The following ETV6 variants were observed in gnomAD, a reference collection of about 807,000 sequenced individuals.
ETV6 encodes the protein ETS variant transcription factor 6.
A neutral mutation model predicts 51.1 loss-of-function variants in ETV6; 16 were observed. The ratio of observed to expected loss-of-function variants is 0.31; its 90% CI spans 0.21 to 0.48. ETV6 has a LOEUF of 0.48. Ranked by LOEUF, ETV6 falls within the 20% of genes least tolerant of loss-of-function variation. The pLI, the probability that ETV6 is intolerant of heterozygous loss-of-function variation, is 0.99. For missense variants in ETV6, 458 were observed against 594.8 expected (o/e 0.77, Z 2.39); for synonymous variants, 240 against 224.1 (o/e 1.07, Z -0.64).
chr12:11,806,794 T>C (rs916374817), intron 2 of ETV6, among the ~76,000 whole-genome samples: 1 of 152,208 alleles, frequency 6.6e-6, no homozygotes, highest in African/African-American at 2.4e-5. Context: ...CCTGCATTTA[T>C]TGGCACTTAC....
chr12:11,857,072 C>A (rs546947953), intron 4 of ETV6, among the ~76,000 whole-genome samples: 1 of 152,352 alleles, frequency 6.6e-6, no homozygotes, highest in East Asian at 1.9e-4. Context: ...CATGCACGGT[C>A]AAGTGCAAAC....
chr12:11,832,914 G>A (rs1021495813), intron 2 of ETV6, among the ~76,000 whole-genome samples: 12 of 152,188 alleles, frequency 7.9e-5, no homozygotes, highest in Admixed American at 7.2e-4. Flanking sequence ...AGCCCTATAC[G>A]ATCTGCACTT....
chr12:11,692,449 A>G (rs1288854426), intron 1 of ETV6, among the ~76,000 whole-genome samples: 1 of 152,080 alleles, frequency 6.6e-6, no homozygotes, highest in Non-Finnish European at 1.5e-5. Context: ...TCTTATTTTA[A>G]TTTTGTTCCT....
At chr12:11,804,247 A>T (rs971995678) in intron 2 of ETV6, among the ~76,000 whole-genome samples, 1 of 152,212 alleles carries the variant, frequency 6.6e-6, no homozygotes, top group African/African-American at 2.4e-5. Context: ...CAGAGAGCAC[A>T]TTGCCCACAC....
chr12:11,745,924 C>A (rs1050464049), intron 1 of ETV6, among the ~76,000 whole-genome samples: 1 of 152,110 alleles, frequency 6.6e-6, no homozygotes, highest in Non-Finnish European at 1.5e-5. Flanking sequence ...TGATTGTGTC[C>A]CATGGTTAAT....
chr12:11,878,402 C>T (rs1947027090), intron 5 of ETV6, among the ~76,000 whole-genome samples: 1 of 152,170 alleles, frequency 6.6e-6, no homozygotes, highest in Admixed American at 6.5e-5. Context: ...TCCTACCTCC[C>T]TGCAGTCCCT....
chr12:11,846,199 T>C (rs1251856661), intron 3 of ETV6, among the ~76,000 whole-genome samples: 1 of 148,746 alleles, frequency 6.7e-6, no homozygotes, highest in Admixed American at 6.7e-5. Flanking sequence ...ATCTAAAAAG[T>C]ACCTCTCCCA....
intron 2 of ETV6, among the ~76,000 whole-genome samples, chr12:11,813,513 TC>T (rs1238620940): frequency 6.6e-6 from 1 of 152,210 alleles, no homozygotes; most frequent in African/African-American, 2.4e-5. Flanking sequence ...AGAGTAGATT[TC>T]ATGTTCTAAT....
chr12:11,790,294 C>T (rs1183953940), intron 2 of ETV6, among the ~76,000 whole-genome samples: 1 of 152,104 alleles, frequency 6.6e-6, no homozygotes, highest in East Asian at 1.9e-4. Context: ...GTTTTGCTGT[C>T]TGCCTTCTAT....
intron 3 of ETV6, among the ~76,000 whole-genome samples, chr12:11,848,070 T>C (rs1946490467): frequency 6.6e-6 from 1 of 152,210 alleles, no homozygotes; most frequent in African/African-American, 2.4e-5. Flanking sequence ...ACAAAGAACA[T>C]TTTTTGCCAG....
chr12:11,734,530 A>G (rs111236275), intron 1 of ETV6, among the ~76,000 whole-genome samples: 23 of 122,044 alleles, frequency 1.9e-4, no homozygotes, highest in African/African-American at 9.5e-4. Context: ...AAAAAAAAAG[A>G]AAAAAAAAAA....
intron 1 of ETV6, among the ~76,000 whole-genome samples, chr12:11,690,891 T>TAAATAAATAAATAAAA (rs1555114903): frequency 4.0e-5 from 6 of 149,198 alleles, no homozygotes; most frequent in Non-Finnish European, 7.4e-5. Flanking sequence ...TGTCTCTAAA[T>TAAATAAATAAATAAAA]AAATAAATAA....
intron 2 of ETV6, among the ~76,000 whole-genome samples, chr12:11,820,505 T>C (rs758638461): frequency 1.3e-5 from 2 of 151,970 alleles, no homozygotes; most frequent in African/African-American, 2.4e-5. Flanking sequence ...AGAACAGATA[T>C]GCGATGTTAG....
chr12:11,870,264 A>G (rs1371507744), intron 5 of ETV6, among the ~76,000 whole-genome samples: 4 of 152,160 alleles, frequency 2.6e-5, no homozygotes, highest in Non-Finnish European at 5.9e-5. Flanking sequence ...CATTTAAAAT[A>G]AAAGGTTTAT....
intron 4 of ETV6, among the ~76,000 whole-genome samples, chr12:11,855,574 G>A (rs1946620975): frequency 6.6e-6 from 1 of 152,124 alleles, no homozygotes; most frequent in South Asian, 2.1e-4. Context: ...TAACAATTTT[G>A]TTTTGTTGTT....
chr12:11,733,639 C>T (rs898145999), intron 1 of ETV6, among the ~76,000 whole-genome samples: 3 of 152,108 alleles, frequency 2.0e-5, no homozygotes, highest in African/African-American at 7.2e-5. Flanking sequence ...CTAGGCCATG[C>T]TTCCCCGGAA....
intron 1 of ETV6, among the ~76,000 whole-genome samples, chr12:11,691,967 G>A (rs1864773867): frequency 1.3e-5 from 2 of 152,230 alleles, no homozygotes; most frequent in Admixed American, 6.5e-5. Flanking sequence ...TCAGTTTGGT[G>A]TGAAGAAGTA....
At chr12:11,751,324 G>A (rs1385383197) in intron 1 of ETV6, 16 of 518,508 alleles carry the variant, frequency 3.1e-5, no homozygotes, top group East Asian at 1.6e-4. Flanking sequence ...TTAAATGTAC[G>A]ATTTTCTTTT....
chr12:11,691,442 G>A (rs1260454833), intron 1 of ETV6, among the ~76,000 whole-genome samples: 1 of 152,040 alleles, frequency 6.6e-6, no homozygotes, highest in Non-Finnish European at 1.5e-5. Context: ...ATACATCTAT[G>A]TTTCCTTTTC....
Sources: gnomAD v4.1 joint callset for allele counts (sites outside exome capture counted in the v4.1 genomes callset) on GRCh38, gnomAD v4.1.1 for gene constraint, MANE v1.5 for transcripts, NCBI Gene and HGNC (gene_info 2026-07-23, HGNC 2026-07-21) for gene names.